TMEM132C: variants seen among roughly 807,000 people sequenced by gnomAD.
The protein encoded by TMEM132C is protein phosphatase 1, regulatory subunit 152.
A neutral mutation model predicts 61.4 loss-of-function variants in TMEM132C; 29 were observed. The observed-to-expected ratio is 0.47, with a 90% CI of 0.35 to 0.64. TMEM132C has a LOEUF of 0.64. Ranked by LOEUF, TMEM132C falls within the 30% of genes least tolerant of loss-of-function variation. The probability of loss-of-function intolerance (pLI) is 0.00; values close to 1 mark genes in which losing one functional copy is unlikely to be tolerated. For synonymous variants in TMEM132C, 656 were observed against 633.1 expected (o/e 1.04, Z -0.54); for missense variants, 1,408 against 1,476.9 (o/e 0.95, Z 0.76).
chr12:128,487,954 T>C (rs1276229114), intron 2 of TMEM132C, among the ~76,000 whole-genome samples: 1 of 152,184 alleles, frequency 6.6e-6, no homozygotes, highest in African/African-American at 2.4e-5. Context: ...AAAACACAGT[T>C]CTTCCATTGC....
At chr12:128,590,971 AG>A (rs1222532474) in intron 3 of TMEM132C, among the ~76,000 whole-genome samples, 3 of 152,018 alleles carry the variant, frequency 2.0e-5, no homozygotes, top group African/African-American at 7.2e-5. Context: ...TTTGTAGAGA[AG>A]GGGCCTCACT....
intron 2 of TMEM132C, among the ~76,000 whole-genome samples, chr12:128,488,830 T>C (rs568459990): frequency 2.2e-4 from 33 of 152,232 alleles, no homozygotes; most frequent in Non-Finnish European, 4.1e-4. Context: ...ACTTACCGAA[T>C]GAAAACAAGT....
chr12:128,434,648 C>G (rs908747193), intron 2 of TMEM132C, among the ~76,000 whole-genome samples: 1 of 150,734 alleles, frequency 6.6e-6, no homozygotes, highest in Non-Finnish European at 1.5e-5. Flanking sequence ...TGTCACCCAG[C>G]CTCGTGTGCA....
At chr12:128,313,195 C>G (rs1872034201) in intron 1 of TMEM132C, among the ~76,000 whole-genome samples, 1 of 152,214 alleles carries the variant, frequency 6.6e-6, no homozygotes, top group South Asian at 2.1e-4. Context: ...AGCCAAATCT[C>G]CAGGGATCCA....
chr12:128,289,374 T>G (rs1871182415), intron 1 of TMEM132C, among the ~76,000 whole-genome samples: 1 of 152,216 alleles, frequency 6.6e-6, no homozygotes, highest in South Asian at 2.1e-4. Flanking sequence ...AAATCCAGAT[T>G]TAGGAATTTA....
At chr12:128,600,102 C>T (rs1876120257) in intron 3 of TMEM132C, among the ~76,000 whole-genome samples, 1 of 152,166 alleles carries the variant, frequency 6.6e-6, no homozygotes, top group Admixed American at 6.5e-5. Flanking sequence ...CCTGCCTCAG[C>T]CTCCTGAGTA....
At chr12:128,618,084 A>T (rs953317447) in intron 4 of TMEM132C, among the ~76,000 whole-genome samples, 1 of 152,166 alleles carries the variant, frequency 6.6e-6, no homozygotes, top group Non-Finnish European at 1.5e-5. Flanking sequence ...AATATTTACT[A>T]TCTGGCCCTT....
At chr12:128,696,720 T>G (rs1954767907) in intron 7 of TMEM132C, among the ~76,000 whole-genome samples, 1 of 152,196 alleles carries the variant, frequency 6.6e-6, no homozygotes, top group South Asian at 2.1e-4. Context: ...GTGGAAATGG[T>G]TAGCACATTC....
chr12:128,487,618 T>TATATATATATATATATATATACAC (rs1443168994), intron 2 of TMEM132C, among the ~76,000 whole-genome samples: 3 of 149,424 alleles, frequency 2.0e-5, no homozygotes, highest in Admixed American at 6.7e-5. Flanking sequence ...TATATATATA[T>TATATATATATATATATATATACAC]ATATATATAT....
chr12:128,307,389 C>G (rs1355445214), intron 1 of TMEM132C, among the ~76,000 whole-genome samples: 1 of 151,042 alleles, frequency 6.6e-6, no homozygotes, highest in East Asian at 1.9e-4. Flanking sequence ...TCAGAATTGT[C>G]TGCACATAAA....
chr12:128,606,312 C>A (rs1039411514), intron 3 of TMEM132C, among the ~76,000 whole-genome samples: 1 of 152,240 alleles, frequency 6.6e-6, no homozygotes, highest in Admixed American at 6.5e-5. Context: ...GACCCCTCCC[C>A]CGTGTGGCCA....
At chr12:128,428,910 A>G (rs570447775) in intron 2 of TMEM132C, among the ~76,000 whole-genome samples, 1 of 152,338 alleles carries the variant, frequency 6.6e-6, no homozygotes, top group Non-Finnish European at 1.5e-5. Flanking sequence ...TGCACATATT[A>G]AGCACTTAAT....
At chr12:128,666,031 T>A (rs1290620891) in intron 4 of TMEM132C, among the ~76,000 whole-genome samples, 2 of 44,382 alleles carry the variant, frequency 4.5e-5, no homozygotes, top group Admixed American at 2.3e-4. Context: ...AGGCGCACAT[T>A]CACAGGCACT....
In TMEM132C at chr12:128,420,652, A is replaced by T. The variant is rs561128987; in HGVS notation, c.974+5032A>T. Among the ~76,000 whole-genome samples, 5 of 152,298 alleles carry T rather than the reference A, an allele frequency of 3.3e-5. No individual in the cohort carries two copies. The South Asian group carries it at 1.0e-3, about 32-fold the overall frequency. ...AGAGAAGACAGGGACTTGGATCAGG[A>T]TAGCAGCAGCAGAGGTGTAAGTGAG... On this transcript the variant is annotated intron_variant, in intron 2 of 8. Coordinates refer to ENST00000435159, the MANE Select transcript of TMEM132C (RefSeq NM_001136103.3).
rs145131039 is a variant in TMEM132C at position 128,448,434 on chromosome 12, C to T, written c.974+32814C>T. Among the ~76,000 whole-genome samples the T allele has an allele frequency of 3.8e-4, 58 of 152,254 alleles. No individual in the cohort carries two copies. In the East Asian group the frequency reaches 7.7e-3, roughly 20 times the overall value. On this transcript the variant is annotated intron_variant, in intron 2 of 8. Coordinates refer to ENST00000435159, the MANE Select transcript of TMEM132C (RefSeq NM_001136103.3). ...GCTAGGCAGCTCTGCTTATAGGGGT[C>T]GACTGGCTATCATCTGGGATGATGG...
At chr12:128,584,818 T>TCCACATGGCTGTCCC (rs1447310432) in intron 3 of TMEM132C, among the ~76,000 whole-genome samples, 9 of 152,190 alleles carry the variant, frequency 5.9e-5, no homozygotes, top group Non-Finnish European at 1.3e-4. Context: ...TTTGCTGTCC[T>TCCACATGGCTGTCCC]CCACATGGCT....
chr12:128,440,884 A>G (rs1164168284), intron 2 of TMEM132C, among the ~76,000 whole-genome samples: 1 of 152,140 alleles, frequency 6.6e-6, no homozygotes, highest in African/African-American at 2.4e-5. Flanking sequence ...CCCCATCTCT[A>G]CCAAAAATAC....
intron 1 of TMEM132C, among the ~76,000 whole-genome samples, chr12:128,268,694 A>C (rs1870403891): frequency 6.6e-6 from 1 of 152,030 alleles, no homozygotes; most frequent in African/African-American, 2.4e-5. Flanking sequence ...TCAGAGAGAC[A>C]AGTTGTCAAT....
At chr12:128,411,489 C>T (rs1325394039) in intron 1 of TMEM132C, among the ~76,000 whole-genome samples, 2 of 152,162 alleles carry the variant, frequency 1.3e-5, no homozygotes, top group Non-Finnish European at 1.5e-5. Context: ...TTTTGATGCT[C>T]AAATTATCTT....
Sources: allele counts gnomAD v4.1 joint callset (sites outside exome capture counted in the v4.1 genomes callset), GRCh38; gene constraint gnomAD v4.1.1; transcripts MANE v1.5; gene names NCBI Gene and HGNC (gene_info 2026-07-23, HGNC 2026-07-21).